Variants in ELMO1 observed in about 807,000 individuals in gnomAD.
ELMO1 encodes engulfment and cell motility 1.
A neutral mutation model predicts 98.9 loss-of-function variants in ELMO1; 26 were observed. The observed-to-expected ratio is 0.26, with a 90% confidence interval of 0.19 to 0.36. ELMO1 has a LOEUF of 0.36. Ranked by LOEUF, ELMO1 falls within the 10% of genes least tolerant of loss-of-function variation. ELMO1 has a pLI of 1.00. For synonymous variants in ELMO1, 346 were observed against 346.0 expected (o/e 1.00, Z 0.00); for missense variants, 627 against 935.2 (o/e 0.67, Z 4.30).
chr7:37,388,306 C>T (rs1802899950), intron 1 of ELMO1, among the ~76,000 whole-genome samples: 1 of 152,136 alleles, frequency 6.6e-6, no homozygotes, highest in South Asian at 2.1e-4. Context: ...AGTTAACATA[C>T]ACAAATACTA....
chr7:37,016,492 A>T (rs1378423568), intron 15 of ELMO1, among the ~76,000 whole-genome samples: 1 of 152,058 alleles, frequency 6.6e-6, no homozygotes, highest in Non-Finnish European at 1.5e-5. Flanking sequence ...AGTTGACATC[A>T]AGAGCTCATT....
In ELMO1 at chr7:37,233,070, C is replaced by T; in HGVS notation, c.549+25G>A. On this transcript the variant is annotated intron_variant, in intron 8 of 21. Transcript: ENST00000310758. ...CTATGACAGAAGACAGTAAGGAAAG[C>T]CTAAAGAGGCAGAGTCCACCTTACC... The T allele has an allele frequency of 5.0e-6, 8 of 1,590,042 alleles. No individual in the cohort carries two copies. The Middle Eastern group carries it at 5.0e-4, about 100-fold the overall frequency.
At chr7:36,960,458 C>T (rs983521790) in intron 16 of ELMO1, among the ~76,000 whole-genome samples, 1 of 152,112 alleles carries the variant, frequency 6.6e-6, no homozygotes, top group Non-Finnish European at 1.5e-5. Context: ...TGCTGTCCAC[C>T]TCAAGCCCTT....
rs79753915 is a variant in ELMO1, at chr7:36,983,077, G to A, written c.1437+30222C>T. Among the ~76,000 whole-genome samples, 1,361 of 152,288 alleles carry A rather than the reference G, an allele frequency of 8.9e-3. 22 individuals are homozygous for A. The highest frequency in any genetic ancestry group is 0.031 in the African/African-American group (1,288 of 41,560). Reference sequence around the variant, plus strand: ...TTGTTCCTAGTTGTTCATCACCCTCGCCATTGCTTTGGCCACTGCAAATCA... The same window carrying A: ...TTGTTCCTAGTTGTTCATCACCCTCACCATTGCTTTGGCCACTGCAAATCA... On this transcript the variant is annotated intron_variant, in intron 16 of 21. Coordinates refer to ENST00000310758, the MANE Select transcript of ELMO1 (RefSeq NM_014800.11).
chr7:37,276,599 A>C (rs932317265), intron 4 of ELMO1, among the ~76,000 whole-genome samples: 6 of 152,242 alleles, frequency 3.9e-5, no homozygotes, highest in Non-Finnish European at 8.8e-5. Flanking sequence ...TGACGGAGCG[A>C]GACTCCGTCT....
chr7:36,908,673 A>G (rs1400976951), intron 16 of ELMO1, among the ~76,000 whole-genome samples: 2 of 152,250 alleles, frequency 1.3e-5, no homozygotes, highest in East Asian at 3.8e-4. Context: ...GCAGTTCTCA[A>G]CTTCTTATTT....
At chr7:37,258,141 G>T (rs1231248350) in intron 6 of ELMO1, among the ~76,000 whole-genome samples, 2 of 152,134 alleles carry the variant, frequency 1.3e-5, no homozygotes, top group Non-Finnish European at 2.9e-5. Flanking sequence ...GGTGGCATAC[G>T]CTTGTAGTCC....
At chr7:37,339,544 C>T (rs1800604965) in intron 2 of ELMO1, among the ~76,000 whole-genome samples, 1 of 152,198 alleles carries the variant, frequency 6.6e-6, no homozygotes, top group Admixed American at 6.5e-5. Flanking sequence ...GTGATCTTTA[C>T]TGAACAAGGT....
intron 16 of ELMO1, among the ~76,000 whole-genome samples, chr7:36,910,419 G>C (rs1372638098): frequency 6.6e-6 from 1 of 152,218 alleles, no homozygotes; most frequent in African/African-American, 2.4e-5. Flanking sequence ...AGCAGGCTCT[G>C]ATGGGTCCTG....
At chr7:37,445,332 A>G (rs1805567870) in intron 1 of ELMO1, among the ~76,000 whole-genome samples, 1 of 152,254 alleles carries the variant, frequency 6.6e-6, no homozygotes, top group African/African-American at 2.4e-5. Flanking sequence ...CTTATAAACC[A>G]AACTATCTAC....
At chr7:37,006,696 T>C (rs1438033212) in intron 16 of ELMO1, among the ~76,000 whole-genome samples, 2 of 152,064 alleles carry the variant, frequency 1.3e-5, no homozygotes, top group Admixed American at 6.5e-5. Flanking sequence ...GGGAGGGTGA[T>C]TGGGGAAAAA....
intron 16 of ELMO1, among the ~76,000 whole-genome samples, chr7:36,967,424 A>C (rs959175805): frequency 6.6e-6 from 1 of 152,180 alleles, no homozygotes; most frequent in African/African-American, 2.4e-5. Context: ...TTAATTAACA[A>C]GTGCCCCAGC....
chr7:37,058,671 C>T (rs555638588), intron 15 of ELMO1, among the ~76,000 whole-genome samples: 16 of 152,194 alleles, frequency 1.1e-4, no homozygotes, highest in South Asian at 6.2e-4. Flanking sequence ...ACCTTTCCTC[C>T]GGAGAATCTC....
At chr7:37,434,668 C>A (rs1162154607) in intron 1 of ELMO1, among the ~76,000 whole-genome samples, 5 of 152,158 alleles carry the variant, frequency 3.3e-5, no homozygotes, top group African/African-American at 9.7e-5. Context: ...AAAAGCTCAG[C>A]CCCATGATCC....
intron 15 of ELMO1, among the ~76,000 whole-genome samples, chr7:37,064,255 T>C (rs1752004830): frequency 6.6e-6 from 1 of 152,210 alleles, no homozygotes; most frequent in Admixed American, 6.5e-5. Flanking sequence ...TAAACCTTGC[T>C]CATTGACTCC....
At chr7:37,171,481 CTATTTTTTTTTT>C (rs1199467405) in intron 13 of ELMO1, among the ~76,000 whole-genome samples, 4 of 44,268 alleles carry the variant, frequency 9.0e-5, no homozygotes, top group African/African-American at 1.9e-4. Context: ...CCAGGCCTTT[CTATTTTTTTTTT>C]TTTTTTTTTT....
intron 14 of ELMO1, among the ~76,000 whole-genome samples, chr7:37,121,215 C>A (rs992875614): frequency 6.6e-6 from 1 of 152,140 alleles, no homozygotes; most frequent in East Asian, 1.9e-4. Flanking sequence ...AAAATCAGAG[C>A]GCCTCTCCTC....
chr7:37,376,607 G>C (rs532167441), intron 1 of ELMO1, among the ~76,000 whole-genome samples: 1 of 152,042 alleles, frequency 6.6e-6, no homozygotes, highest in Non-Finnish European at 1.5e-5. Context: ...CTGACTCAGC[G>C]CATGAAGACA....
rs117184694 is a variant in ELMO1, at chr7:37,351,444, T to C, written c.-73-8681A>G. 1.5e-4 allele frequency among the ~76,000 whole-genome samples: 23 copies of C among 152,294 alleles called. No homozygotes were observed. In the East Asian group the frequency reaches 4.3e-3, roughly 28 times the overall value. On this transcript the variant is annotated intron_variant, in intron 1 of 21. Transcript: ENST00000310758. ...GGATGAAGCTGAAGCTGAAGCTGTC[T>C]GCAGCCATGCTCCCTCCATGGGGAA...
Sources: gnomAD v4.1 joint callset for allele counts (sites outside exome capture counted in the v4.1 genomes callset) on GRCh38, gnomAD v4.1.1 for gene constraint, MANE v1.5 for transcripts, NCBI Gene and HGNC (gene_info 2026-07-23, HGNC 2026-07-21) for gene names.